Variants in LHCGR observed in about 807,000 individuals in gnomAD.
LHCGR encodes the protein lutropin-choriogonadotropic hormone receptor.
In LHCGR, 55 loss-of-function variants were observed where a neutral mutation model predicts 60.7. The ratio of observed to expected loss-of-function variants is 0.91; its 90% CI spans 0.73 to 1.13. The LOEUF (loss-of-function observed/expected upper bound fraction) is 1.13, where lower values mean the gene tolerates loss of function less well. Ranked by LOEUF, LHCGR falls within the 50% of genes most tolerant of loss-of-function variation. The pLI is 0.00. For synonymous variants in LHCGR, 337 were observed against 316.5 expected, an observed-to-expected ratio of 1.06 and a Z score of -0.69; for missense variants, 862 against 836.0, an observed-to-expected ratio of 1.03 and a Z score of -0.38.
chr2:48,724,398 A>G (rs1668630895), intron 4 of LHCGR, among the ~76,000 whole-genome samples: 1 of 152,206 alleles, frequency 6.6e-6, no homozygotes, highest in Non-Finnish European at 1.5e-5. Context: ...CTGGAGTTTT[A>G]GATTCACCAG....
At chr2:48,699,917 C>G (rs899472952) in intron 8 of LHCGR, among the ~76,000 whole-genome samples, 1 of 152,218 alleles carries the variant, frequency 6.6e-6, no homozygotes, top group African/African-American at 2.4e-5. Flanking sequence ...GTGGCTGCTG[C>G]TGGTGCCTCA....
intron 8 of LHCGR, among the ~76,000 whole-genome samples, chr2:48,706,193 C>A (rs1453687751): frequency 1.3e-5 from 2 of 152,154 alleles, no homozygotes; most frequent in African/African-American, 4.8e-5. Context: ...GTTGAAAATT[C>A]TTTTCTTTAA....
intron 3 of LHCGR, among the ~76,000 whole-genome samples, chr2:48,726,469 A>G (rs1668734755): frequency 6.6e-6 from 1 of 152,186 alleles, no homozygotes; most frequent in Non-Finnish European, 1.5e-5. Context: ...ACAGCCATAC[A>G]CCACTGTGAT....
intron 1 of LHCGR, among the ~76,000 whole-genome samples, chr2:48,749,259 G>A (rs976975674): frequency 1.9e-4 from 29 of 152,322 alleles, no homozygotes; most frequent in Middle Eastern, 6.8e-3. Flanking sequence ...AGTACATGAG[G>A]ACCCTGTGGA....
At chr2:48,737,242 A>G (rs4145966) in intron 1 of LHCGR, among the ~76,000 whole-genome samples, 26,514 of 152,230 alleles carry the variant, frequency 0.17, 2,880 homozygotes, top group East Asian at 0.34. Flanking sequence ...ACAAACATCC[A>G]TTCATTTTCC....
chr2:48,755,031 T>G (rs933831191), intron 1 of LHCGR, among the ~76,000 whole-genome samples: 4 of 152,050 alleles, frequency 2.6e-5, no homozygotes, highest in African/African-American at 7.2e-5. Flanking sequence ...CAGCAGTCAG[T>G]TGACAGATTA....
chr2:48,745,914 T>C lies in LHCGR; in HGVS notation c.161+9597A>G, dbSNP rs190388140. Among the ~76,000 whole-genome samples the C allele has an allele frequency of 5.5e-3, 842 of 151,950 alleles. 2 individuals are homozygous for C. The highest frequency in any genetic ancestry group is 9.9e-3 in the Non-Finnish European group (673 of 67,978). ...AAGGTCCGTCTCAGGTACTACATACTCTATGGAAAGGGTTTTCATCACCAG... is the reference window on the plus strand; with the variant it reads ...AAGGTCCGTCTCAGGTACTACATACCCTATGGAAAGGGTTTTCATCACCAG... On this transcript the variant is annotated intron_variant, in intron 1 of 10. Transcript: ENST00000294954.
intron 1 of LHCGR, among the ~76,000 whole-genome samples, chr2:48,753,353 G>T (rs1269212445): frequency 6.6e-6 from 1 of 152,178 alleles, no homozygotes; most frequent in Non-Finnish European, 1.5e-5. Flanking sequence ...AAGTTACCCT[G>T]TTTTGGCCTG....
At chr2:48,698,834 A>G (rs1667253911) in intron 8 of LHCGR, 34 bp from the exon 9 acceptor site, 2 of 1,517,192 alleles carry the variant, frequency 1.3e-6, no homozygotes, top group Admixed American at 1.9e-5. Flanking sequence ...CTTTTTATTT[A>G]TTTATTTTAT....
intron 6 of LHCGR, among the ~76,000 whole-genome samples, chr2:48,722,841 T>C (rs1162704718): frequency 2.0e-5 from 3 of 152,344 alleles, no homozygotes; most frequent in East Asian, 3.9e-4. Context: ...CTGAAGATCA[T>C]GGCTCATAGT....
At chr2:48,716,579 C>G (rs1274473777) in intron 6 of LHCGR, among the ~76,000 whole-genome samples, 1 of 152,172 alleles carries the variant, frequency 6.6e-6, no homozygotes, top group East Asian at 1.9e-4. Flanking sequence ...TTTTCTTCCC[C>G]TTCTATATTG....
rs751429230 is a variant in LHCGR at position 48,713,985 on chromosome 2, C to T, written c.605+1G>A. 1 of 1,596,458 alleles carries T rather than the reference C, an allele frequency of 6.3e-7. No homozygotes were observed. Among genetic ancestry groups the T allele is most frequent in the South Asian group, 1.1e-5 (1 of 90,714 alleles). ...AGCTGGGGAAATAAGCAAATACTTA[C>T]AGTGAAGTCAGTGTCGTCCCATTGA... On this transcript the variant is annotated splice_donor_variant, in intron 7 of 10. Transcript: ENST00000294954. LOFTEE classifies it high-confidence loss of function.
At chr2:48,716,235 C>G (rs1030820892) in intron 6 of LHCGR, among the ~76,000 whole-genome samples, 1 of 152,152 alleles carries the variant, frequency 6.6e-6, no homozygotes, top group Non-Finnish European at 1.5e-5. Flanking sequence ...AGGAGCTTAA[C>G]TTTACATCAC....
chr2:48,743,460 C>G (rs898852586), intron 1 of LHCGR, among the ~76,000 whole-genome samples: 2 of 152,154 alleles, frequency 1.3e-5, no homozygotes, highest in Non-Finnish European at 2.9e-5. Flanking sequence ...TGCTGGCAAA[C>G]CGAATCCAGC....
chr2:48,737,838 G>C (rs2103664779), intron 1 of LHCGR, among the ~76,000 whole-genome samples: 1 of 152,308 alleles, frequency 6.6e-6, no homozygotes, highest in African/African-American at 2.4e-5. Context: ...AGAGTGAAAG[G>C]GTTGCTTACA....
At chr2:48,740,587 C>A (rs1357626039) in intron 1 of LHCGR, among the ~76,000 whole-genome samples, 1 of 151,870 alleles carries the variant, frequency 6.6e-6, no homozygotes, top group Non-Finnish European at 1.5e-5. Context: ...GGCAGACTGA[C>A]ACCTCACATG....
chr2:48,718,547 A>G (rs189716215), intron 6 of LHCGR, among the ~76,000 whole-genome samples: 261 of 152,348 alleles, frequency 1.7e-3, no homozygotes, highest in African/African-American at 6.2e-3. Flanking sequence ...ACCCATTGCT[A>G]AAAGGCAAAG....
chr2:48,712,918 G>T (rs1427438517), intron 7 of LHCGR, among the ~76,000 whole-genome samples: 4 of 152,052 alleles, frequency 2.6e-5, no homozygotes, highest in Non-Finnish European at 5.9e-5. Flanking sequence ...GCCACCAAAC[G>T]ATATAGCACA....
At chr2:48,721,646 AAG>A (rs1335485752) in intron 6 of LHCGR, 2 of 468,770 alleles carry the variant, frequency 4.3e-6, no homozygotes, top group East Asian at 6.9e-5. Context: ...AGTGATATAA[AAG>A]AGAGTCCTCT....
Sources: gnomAD v4.1 joint callset for allele counts (sites outside exome capture counted in the v4.1 genomes callset) on GRCh38, gnomAD v4.1.1 for gene constraint, MANE v1.5 for transcripts, NCBI Gene and HGNC (gene_info 2026-07-23, HGNC 2026-07-21) for gene names.